Variants in KHNYN observed in about 807,000 individuals in gnomAD.
KHNYN encodes protein KHNYN.
In KHNYN, 42 loss-of-function variants were observed where a neutral mutation model predicts 62.7. The observed-to-expected ratio is 0.67, with a 90% CI of 0.52 to 0.87. The LOEUF is 0.87. Ranked by LOEUF, KHNYN falls within the 40% of genes least tolerant of loss-of-function variation. KHNYN has a pLI of 0.00. For synonymous variants in KHNYN, 347 were observed against 345.6 expected, an observed-to-expected ratio of 1.00 and a Z score of -0.04; for missense variants, 829 against 874.1, an observed-to-expected ratio of 0.95 and a Z score of 0.65.
chr14:24,440,896 T>C lies in KHNYN; in HGVS notation c.*3611T>C, dbSNP rs2043316200. ...GTCCCCTCCTGGGCTGTCTTCATCA[T>C]ACTCCGCAGTCAGACTGGGCTGGTA... On this transcript the variant is annotated 3_prime_UTR_variant, in exon 8 of 8. Coordinates refer to ENST00000553935, the MANE Select transcript of KHNYN (RefSeq NM_015299.3). The C allele has an allele frequency of 2.5e-6, 4 of 1,614,052 alleles. No homozygotes were observed. The highest frequency in any genetic ancestry group is 3.4e-6 in the Non-Finnish European group (4 of 1,179,882).
intron 5 of KHNYN, chr14:24,434,047 A>C: frequency 1.7e-6 from 1 of 601,126 alleles, no homozygotes; most frequent in Non-Finnish European, 2.1e-6. Flanking sequence ...AGCAAATGGT[A>C]TTCTACAAAA....
At position 24,434,403 on chromosome 14, in the gene KHNYN, AT is replaced by A. The variant is rs894061716; in HGVS notation, c.1577+1380del. The A allele has an allele frequency of 5.5e-4, 536 of 975,244 alleles. 1 individual carries two copies. The African/African-American group carries it at 6.6e-3, about 12-fold the overall frequency. The allele number at this position is 975,244 out of a possible 1,614,324, so 60.4% of individuals were successfully genotyped here. A position where few individuals can be genotyped will look rare whatever the true frequency, so the allele number is the denominator to read the frequency against. On this transcript the variant is annotated intron_variant, in intron 5 of 7. Coordinates refer to ENST00000553935, the MANE Select transcript of KHNYN (RefSeq NM_015299.3). ...TTGCATACCATAAGTGTACCATATA[AT>A]TTTTTTTTGGTTTGTTTTTGAGACG... is the stretch of plus-strand genomic sequence containing the variant.
upstream of KHNYN, chr14:24,429,552 G>C: frequency 1.1e-5 from 5 of 466,198 alleles, no homozygotes; most frequent in Non-Finnish European, 1.9e-5. Context: ...TCCGTTTGTT[G>C]GAAGAAAGGG....
intron 7 of KHNYN, among the ~76,000 whole-genome samples, 173 bp downstream of exon 7, chr14:24,436,662 CCTCCTTG>C (rs2043209700): frequency 6.6e-6 from 1 of 152,216 alleles, no homozygotes; most frequent in Non-Finnish European, 1.5e-5. Flanking sequence ...TGACATAGAA[CCTCCTTG>C]CTGGGAGGGA....
At chr14:24,429,871 G>A, upstream of KHNYN, 2 of 1,013,406 alleles carry the variant, frequency 2.0e-6, no homozygotes, top group Non-Finnish European at 2.4e-6. Context: ...GCCTCTGGGC[G>A]CGGCGGCGGG....
At position 24,430,763 on chromosome 14, in the gene KHNYN, A is replaced by C. The variant is rs373041166; in HGVS notation, c.33A>C (p.Pro11=). The change falls in exon 2 of 8, where the codon CCA becomes CCC. Residue 11 remains proline, a synonymous_variant. Coordinates refer to ENST00000553935, the MANE Select transcript of KHNYN (RefSeq NM_015299.3). The stretch of plus-strand genomic sequence containing the variant: ...CCTGGGGGGCCCGCCCCGCGTCCCC[A>C]GATCGCTTTGCGGTGTCTGCGGAGG... MPTWGARPAS[P]DRFAVSAEAE... The C allele has an allele frequency of 5.0e-5, 80 of 1,587,578 alleles. No individual in the cohort carries two copies. The highest frequency in any genetic ancestry group is 1.8e-4 in the Admixed American group (10 of 55,730).
Position 24,440,421 on chromosome 14 carries a change from G to T in KHNYN, c.*3136G>T, listed in dbSNP as rs764141406. 2 of 1,613,058 alleles carry T rather than the reference G, an allele frequency of 1.2e-6. No homozygotes were observed. Among genetic ancestry groups the T allele is most frequent in the South Asian group, 2.2e-5 (2 of 90,888 alleles). On this transcript the variant is annotated 3_prime_UTR_variant, in exon 8 of 8. Coordinates refer to ENST00000553935, the MANE Select transcript of KHNYN (RefSeq NM_015299.3). ...AAGAATTGGTGGCCTGAGCCGATGG[G>T]GCCCCCCAGGCCCAGGCGAAAGGGC... is the stretch of plus-strand genomic sequence containing the variant.
At position 24,430,829 on chromosome 14, in the gene KHNYN, C is replaced by T; in HGVS notation, c.99C>T (p.Arg33=). Residue 33 remains arginine, a synonymous_variant, in exon 2 of 8, where the codon CGC becomes CGT. Transcript: ENST00000553935. ...GGGAACAGCAGCCCCATGTGGAGCG[C>T]ATCTTCAGCGTGGGGGTGAGCGTCC... The part of the protein sequence containing the change: ...KVREQQPHVE[R]IFSVGVSVLP... The T allele has an allele frequency of 6.2e-7, 1 of 1,613,180 alleles. No homozygotes were observed. Among genetic ancestry groups the T allele is most frequent in the South Asian group, 1.1e-5 (1 of 90,784 alleles).
At position 24,430,897 on chromosome 14, in the gene KHNYN, T is replaced by C; in HGVS notation, c.167T>C (p.Leu56Pro). ...GACAACCCCCACATCTGGCTGCAGC[T>C]GGAGGGCCCCAAGGAAAACGCCAGC... ...CPDNPHIWLQ[L>P]EGPKENASRA... is the part of the protein sequence containing the mutation. The change falls in exon 2 of 8, where the codon CTG becomes CCG. Residue 56 changes from leucine (L) to proline (P), a missense_variant. This residue lies in a region of KHNYN where 559 missense variants were observed against 527.0 expected (regional missense o/e 1.06). Transcript: ENST00000553935. 1 of 1,613,862 alleles carries C rather than the reference T, an allele frequency of 6.2e-7. No individual in the cohort carries two copies. The highest frequency in any genetic ancestry group is 8.5e-7 in the Non-Finnish European group (1 of 1,179,780).
chr14:24,434,440 C>G, intron 5 of KHNYN: 1 of 908,064 alleles, frequency 1.1e-6, no homozygotes, highest in African/African-American at 1.8e-5. Context: ...GAGCCTTGCT[C>G]TGTCGCCACG....
In KHNYN at chr14:24,431,993, T is replaced by C. The variant is rs1359580194; in HGVS notation, c.732T>C (p.Asp244=). The change falls in exon 3 of 8, where the codon GAT becomes GAC. Residue 244 remains aspartate, a synonymous_variant. Transcript: ENST00000553935. ...ACACTGGATCTATGGGACCCGGAGATTGCAGGGGAGCAAGGGGAGACACTT... is the reference window on the plus strand; with the variant it reads ...ACACTGGATCTATGGGACCCGGAGACTGCAGGGGAGCAAGGGGAGACACTT... ...SLDTGSMGPG[D]CRGARGDTYA... 3 of 1,611,212 alleles carry C rather than the reference T, an allele frequency of 1.9e-6. No homozygotes were observed. Among genetic ancestry groups the C allele is most frequent in the African/African-American group, 2.7e-5 (2 of 74,752 alleles).
At chr14:24,429,735 C>A, upstream of KHNYN, 1 of 985,388 alleles carries the variant, frequency 1.0e-6, no homozygotes, top group Non-Finnish European at 1.2e-6. Context: ...TTCCCCTTTC[C>A]GAGAAGTAAC....
Position 24,437,955 on chromosome 14 carries a change from C to G in KHNYN, c.*670C>G, listed in dbSNP as rs1459416382. The G allele has an allele frequency of 6.6e-6, 1 of 152,454 alleles. No homozygotes were observed. Among genetic ancestry groups the G allele is most frequent in the Non-Finnish European group, 1.5e-5 (1 of 68,046 alleles). The allele number at this position is 152,454 out of a possible 1,614,324, so 9.4% of individuals were successfully genotyped here. On this transcript the variant is annotated 3_prime_UTR_variant, in exon 8 of 8. Coordinates refer to ENST00000553935, the MANE Select transcript of KHNYN (RefSeq NM_015299.3). This position sits in a 1 kb window ranked among gnomAD's most constrained non-coding sequence, Gnocchi z 5.5. The stretch of plus-strand genomic sequence containing the variant: ...CCTCTTGGAGGAAAGGTGCTTGGAC[C>G]AAGTCTCAGGTGTGTCTGCCTGTGG...
In KHNYN at chr14:24,437,154, G is replaced by A. The variant is rs1162899914; in HGVS notation, c.1906G>A (p.Glu636Lys). Residue 636 changes from glutamate to lysine, a missense_variant, in exon 8 of 8, where the codon GAG becomes AAG. Around this residue, in one of 2 missense-constraint regions of KHNYN, gnomAD observed 270 missense variants for 347.1 expected, o/e 0.78. Coordinates refer to ENST00000553935, the MANE Select transcript of KHNYN (RefSeq NM_015299.3). The surrounding 1 kb of genome is among the most constrained non-coding windows in gnomAD (Gnocchi z 5.5). ...TGGCATTCGGAAGACCCGGGAAACA[G>A]AGCGGCTCCGGCGGCAGCTGCTGGA... ...SGGIRKTRET[E>K]RLRRQLLEVF... is the part of the protein sequence containing the mutation. The A allele has an allele frequency of 6.2e-7, 1 of 1,614,102 alleles. No homozygotes were observed. The highest frequency in any genetic ancestry group is 8.5e-7 in the Non-Finnish European group (1 of 1,180,046).
chr14:24,441,180 G>A lies in KHNYN; in HGVS notation c.*3895G>A, dbSNP rs774123095. The stretch of plus-strand genomic sequence containing the variant: ...AAGAACAGGAACTTGGGTACCAGGC[G>A]CCTGAATTTTAATCAGCTCCCTCAT... On this transcript the variant is annotated 3_prime_UTR_variant, in exon 8 of 8. Transcript: ENST00000553935. The A allele has an allele frequency of 1.8e-5, 10 of 566,864 alleles. No homozygotes were observed. The highest frequency in any genetic ancestry group is 7.5e-5 in the South Asian group (4 of 53,268). 35.1% of individuals were successfully genotyped at this position (566,864 alleles called of 1,614,324 possible).
At position 24,440,265 on chromosome 14, in the gene KHNYN, C is replaced by A; in HGVS notation, c.*2980C>A. On this transcript the variant is annotated 3_prime_UTR_variant, in exon 8 of 8. Transcript: ENST00000553935. ...ATGAAGGCTCGGCGGCCCAGGGCAG[C>A]ACCCAAGGTCTGGGCAAACTCAGCA... 1 of 1,613,992 alleles carries A rather than the reference C, an allele frequency of 6.2e-7. No homozygotes were observed. The highest frequency in any genetic ancestry group is 8.5e-7 in the Non-Finnish European group (1 of 1,179,854).
At chr14:24,426,157 C>T (rs577633272), upstream of KHNYN, among the ~76,000 whole-genome samples, 11 of 152,250 alleles carry the variant, frequency 7.2e-5, no homozygotes, top group African/African-American at 2.4e-4. Context: ...TCACCTTGTT[C>T]CAATTAACTG....
rs758297828 is a variant in KHNYN, at chr14:24,431,746, G to T, written c.485G>T (p.Arg162Ile). Reference protein sequence around the residue: ...SGASQCTGVLRDFSALLQSPG... With the variant: ...SGASQCTGVLIDFSALLQSPG... ...GCCTCTCAGTGTACTGGAGTGCTGA[G>T]AGACTTCTCTGCCCTGCTGCAGTCC... The change falls in exon 3 of 8, where the codon AGA becomes ATA. Residue 162 changes from arginine to isoleucine, a missense_variant. Physicochemically the swap from Arg to Ile is moderately conservative, Grantham distance 97. Around this residue, in one of 2 missense-constraint regions of KHNYN, gnomAD observed 559 missense variants for 527.0 expected, o/e 1.06. Transcript: ENST00000553935. 3.7e-6 allele frequency: 6 copies of T among 1,614,082 alleles called. No homozygotes were observed. The Admixed American group carries it at 6.7e-5, about 18-fold the overall frequency.
At position 24,440,074 on chromosome 14, in the gene KHNYN, A is replaced by G. The variant is rs1445565490; in HGVS notation, c.*2789A>G. On this transcript the variant is annotated 3_prime_UTR_variant, in exon 8 of 8. Transcript: ENST00000553935. Reference sequence around the variant, plus strand: ...GAGGAACAGGCCTCAGGCCCTTGCCACGACCTACTTAGGCTACAATTTCCT... The same window carrying G: ...GAGGAACAGGCCTCAGGCCCTTGCCGCGACCTACTTAGGCTACAATTTCCT... The G allele has an allele frequency of 1.9e-6, 3 of 1,582,052 alleles. No individual in the cohort carries two copies. Among genetic ancestry groups the G allele is most frequent in the South Asian group, 1.2e-5 (1 of 86,522 alleles).
Sources: gnomAD v4.1 joint callset for allele counts (sites outside exome capture counted in the v4.1 genomes callset) on GRCh38, gnomAD v4.1.1 for gene constraint, gnomAD v4.1.1 regional missense constraint, Gnocchi (gnomAD v3.1) non-coding constraint, MANE v1.5 for transcripts, NCBI Gene and HGNC (gene_info 2026-07-23, HGNC 2026-07-21) for gene names.